Variants in MICU2 observed in about 807,000 individuals in gnomAD.
The protein encoded by MICU2 is mitochondrial calcium uptake 2, also known as calcium uptake protein 2, mitochondrial.
In MICU2, 64 loss-of-function variants were observed where a neutral mutation model predicts 60.4. The observed-to-expected ratio is 1.06, with a 90% CI of 0.87 to 1.31. MICU2 has a LOEUF of 1.31. MICU2 is among the 50% of genes most tolerant of loss of function. MICU2 has a pLI of 0.00. For synonymous variants in MICU2, 201 were observed against 175.0 expected (o/e 1.15, Z -1.17); for missense variants, 569 against 531.0 (o/e 1.07, Z -0.70).
chr13:21,515,373 T>TG (rs1886545717), intron 6 of MICU2, among the ~76,000 whole-genome samples: 1 of 152,244 alleles, frequency 6.6e-6, no homozygotes, highest in Non-Finnish European at 1.5e-5. Context: ...TGAGCCACTG[T>TG]GCCCGGCCTA....
At chr13:21,510,656 C>T (rs1886406319) in intron 7 of MICU2, among the ~76,000 whole-genome samples, 1 of 151,902 alleles carries the variant, frequency 6.6e-6, no homozygotes, top group Non-Finnish European at 1.5e-5. Context: ...AACCAAACAA[C>T]AAAAGGGGGT....
At chr13:21,507,835 C>A in intron 8 of MICU2, among the ~76,000 whole-genome samples, 1 of 151,990 alleles carries the variant, frequency 6.6e-6, no homozygotes, top group East Asian at 1.9e-4. Flanking sequence ...AAACTCCTGA[C>A]CTCGTGATCT....
At chr13:21,584,266 G>A (rs1375695640) in intron 1 of MICU2, among the ~76,000 whole-genome samples, 1 of 151,958 alleles carries the variant, frequency 6.6e-6, no homozygotes, top group Non-Finnish European at 1.5e-5. Context: ...GCAGGCGCCT[G>A]TAGTCCCAGC....
chr13:21,580,362 C>A (rs1002663995), intron 1 of MICU2, among the ~76,000 whole-genome samples: 1 of 152,174 alleles, frequency 6.6e-6, no homozygotes, highest in Non-Finnish European at 1.5e-5. Flanking sequence ...TTGTTACATA[C>A]ATACTTTTAA....
At chr13:21,508,333 G>A (rs1886344842) in intron 8 of MICU2, among the ~76,000 whole-genome samples, 1 of 151,916 alleles carries the variant, frequency 6.6e-6, no homozygotes, top group Non-Finnish European at 1.5e-5. Flanking sequence ...CACCATGTTA[G>A]CCAGGATGGT....
At chr13:21,545,553 C>A (rs1448771485) in intron 2 of MICU2, among the ~76,000 whole-genome samples, 5 of 151,786 alleles carry the variant, frequency 3.3e-5, no homozygotes, top group Admixed American at 1.3e-4. Flanking sequence ...TGGTGGCGGG[C>A]GCCTGTAATC....
chr13:21,576,419 A>G (rs1265255124), intron 1 of MICU2, among the ~76,000 whole-genome samples: 1 of 152,176 alleles, frequency 6.6e-6, no homozygotes, highest in Non-Finnish European at 1.5e-5. Context: ...TGGGGGGCTG[A>G]GTCATAAACA....
At chr13:21,497,223 G>A (rs1886022244) in intron 9 of MICU2, among the ~76,000 whole-genome samples, 2 of 151,622 alleles carry the variant, frequency 1.3e-5, no homozygotes, top group South Asian at 4.2e-4. Flanking sequence ...AAATTAGCTG[G>A]GTGTGGTGGT....
chr13:21,515,085 G>GT (rs5802119), intron 6 of MICU2, among the ~76,000 whole-genome samples: 35 of 139,312 alleles, frequency 2.5e-4, no homozygotes, highest in African/African-American at 6.9e-4. Context: ...CAAGTATATA[G>GT]TTTTTTTTTT....
intron 1 of MICU2, among the ~76,000 whole-genome samples, chr13:21,584,939 C>G (rs115170240): frequency 1.3e-5 from 2 of 152,218 alleles, no homozygotes; most frequent in African/African-American, 2.4e-5. Context: ...CAAGAACAAA[C>G]AGTAATATTT....
intron 1 of MICU2, among the ~76,000 whole-genome samples, chr13:21,584,130 C>T (rs558685622): frequency 1.3e-5 from 2 of 152,250 alleles, no homozygotes; most frequent in African/African-American, 4.8e-5. Context: ...TGGCTCACGC[C>T]TGTAATCCCA....
At chr13:21,536,321 T>C in intron 4 of MICU2, among the ~76,000 whole-genome samples, 1 of 134,138 alleles carries the variant, frequency 7.5e-6, no homozygotes, top group Admixed American at 7.6e-5. Flanking sequence ...ATAAACTTAT[T>C]CTCAATTTAA....
rs780792134 is a variant in MICU2 at position 21,566,957 on chromosome 13, TA to T, written c.211-14del. ...GTTCAACATTTTTCTAAAAGAAAAA[TA>T]AATTGCAATTGAAGATTTTTTCAGT... is the stretch of plus-strand genomic sequence containing the variant. On this transcript the variant is annotated splice_polypyrimidine_tract_variant and intron_variant, in intron 1 of 11. Coordinates refer to ENST00000382374, the MANE Select transcript of MICU2 (RefSeq NM_152726.3). 6.3e-7 allele frequency: 1 copy of T among 1,586,608 alleles called. No individual in the cohort carries two copies. The highest frequency in any genetic ancestry group is 8.6e-7 in the Non-Finnish European group (1 of 1,168,940).
At chr13:21,553,999 G>C (rs996013553) in intron 2 of MICU2, among the ~76,000 whole-genome samples, 1 of 152,116 alleles carries the variant, frequency 6.6e-6, no homozygotes, top group Admixed American at 6.5e-5. Context: ...AAATATATAT[G>C]CACCCAATAC....
chr13:21,565,775 G>A (rs1040155112), intron 2 of MICU2, among the ~76,000 whole-genome samples: 19 of 152,262 alleles, frequency 1.2e-4, no homozygotes, highest in African/African-American at 4.3e-4. Context: ...GGAGGTTGCA[G>A]TGAGCTGAGA....
chr13:21,523,645 T>C (rs1886780535), intron 4 of MICU2, among the ~76,000 whole-genome samples: 1 of 152,210 alleles, frequency 6.6e-6, no homozygotes, highest in Non-Finnish European at 1.5e-5. Context: ...AATCACTGCA[T>C]TTCTGTGGAA....
intron 2 of MICU2, among the ~76,000 whole-genome samples, chr13:21,555,748 C>CG (rs1309553554): frequency 2.6e-5 from 4 of 152,056 alleles, no homozygotes; most frequent in Admixed American, 6.6e-5. Context: ...ACCTTCCCCC[C>CG]CTCTTCACTC....
chr13:21,515,664 TC>T, intron 6 of MICU2: 1 of 302,772 alleles, frequency 3.3e-6, no homozygotes, highest in Non-Finnish European at 6.9e-6. Context: ...CAAACCTCTA[TC>T]CATTTTTTTC....
chr13:21,519,228 T>G (rs1886656618), intron 6 of MICU2, among the ~76,000 whole-genome samples: 1 of 152,156 alleles, frequency 6.6e-6, no homozygotes, highest in Non-Finnish European at 1.5e-5. Flanking sequence ...GGCTAATTTT[T>G]TGTATTTTTA....
Sources: gnomAD v4.1 joint callset for allele counts (sites outside exome capture counted in the v4.1 genomes callset) on GRCh38, gnomAD v4.1.1 for gene constraint, MANE v1.5 for transcripts, NCBI Gene and HGNC (gene_info 2026-07-23, HGNC 2026-07-21) for gene names.